Variants in ZNF469 observed in about 807,000 individuals in gnomAD.
ZNF469 encodes zinc finger protein 469.
A neutral mutation model predicts 1.0 loss-of-function variants in ZNF469; 1 was observed. The observed-to-expected ratio is 1.00, with a 90% confidence interval of 0.35 to 4.73. The LOEUF (loss-of-function observed/expected upper bound fraction) is 4.73, where lower values mean the gene tolerates loss of function less well. ZNF469 is among the 30% of genes most tolerant of loss of function. ZNF469 has a pLI of 0.16. For synonymous variants in ZNF469, 2,703 were observed against 2,363.4 expected (o/e 1.14, Z -4.17); for missense variants, 6,100 against 5,356.3 (o/e 1.14, Z -4.33).
the ZNF469 span, among the ~76,000 whole-genome samples, chr16:88,356,272 A>G: frequency 6.6e-6 from 1 of 152,166 alleles, no homozygotes; most frequent in South Asian, 2.1e-4. Flanking sequence ...TCAGGGTCCA[A>G]GGTCCATGAT....
At chr16:88,280,097 A>G in the ZNF469 span, among the ~76,000 whole-genome samples, 7 of 150,426 alleles carry the variant, frequency 4.7e-5, no homozygotes, top group African/African-American at 1.2e-4. Context: ...CCGTGTACAT[A>G]TCAGTGCATG....
chr16:88,140,175 G>T, the ZNF469 span, among the ~76,000 whole-genome samples: 9 of 152,156 alleles, frequency 5.9e-5, no homozygotes, highest in African/African-American at 2.2e-4. Flanking sequence ...CATTGAAGTG[G>T]CAGAACCGAT....
intron 1 of ZNF469, among the ~76,000 whole-genome samples, chr16:88,405,863 A>G (rs1333502696): frequency 1.3e-5 from 2 of 152,250 alleles, no homozygotes; most frequent in Non-Finnish European, 2.9e-5. Flanking sequence ...GAAGCGGAAA[A>G]GCCTCTGCAG....
At chr16:88,147,868 C>T in the ZNF469 span, among the ~76,000 whole-genome samples, 152 of 152,278 alleles carry the variant, frequency 1.0e-3, 1 homozygote, top group African/African-American at 3.6e-3. Context: ...AGAGAAACCA[C>T]AGCCTATGGA....
the ZNF469 span, among the ~76,000 whole-genome samples, chr16:88,338,789 GCACAGGC>G: frequency 6.6e-6 from 1 of 152,210 alleles, no homozygotes; most frequent in Non-Finnish European, 1.5e-5. Context: ...GGCGATACAG[GCACAGGC>G]CACAGGCCAA....
intron 1 of ZNF469, among the ~76,000 whole-genome samples, chr16:88,402,998 C>T (rs1784286073): frequency 6.6e-6 from 1 of 152,250 alleles, no homozygotes; most frequent in African/African-American, 2.4e-5. Context: ...CAAATGGCAA[C>T]ACCCGCCGTG....
the ZNF469 span, among the ~76,000 whole-genome samples, chr16:88,158,838 G>A: frequency 6.6e-6 from 1 of 152,152 alleles, no homozygotes; most frequent in Non-Finnish European, 1.5e-5. Context: ...GCAGAGCTCT[G>A]CAGGAAGACT....
intron 2 of ZNF469, among the ~76,000 whole-genome samples, chr16:88,425,989 C>T (rs971631445): frequency 6.6e-6 from 1 of 152,244 alleles, no homozygotes; most frequent in Non-Finnish European, 1.5e-5. Flanking sequence ...AAGAGCCAGC[C>T]GGAAGTACAG....
chr16:88,234,866 C>T, the ZNF469 span: 4 of 152,182 alleles, frequency 2.6e-5, no homozygotes, highest in African/African-American at 9.7e-5. Flanking sequence ...GTGCCTGACT[C>T]ACAGGAAGGG....
At chr16:88,322,828 G>A in the ZNF469 span, among the ~76,000 whole-genome samples, 1 of 152,204 alleles carries the variant, frequency 6.6e-6, no homozygotes, top group Non-Finnish European at 1.5e-5. Context: ...CTTGGCCCAG[G>A]ACTTGGGGGC....
chr16:88,413,174 G>A (rs772910942), intron 1 of ZNF469, among the ~76,000 whole-genome samples: 6 of 152,242 alleles, frequency 3.9e-5, no homozygotes, highest in Non-Finnish European at 7.3e-5. Context: ...GTCCCCGCAC[G>A]CACGTGATAA....
At chr16:88,232,551 C>G in the ZNF469 span, among the ~76,000 whole-genome samples, 1 of 152,240 alleles carries the variant, frequency 6.6e-6, no homozygotes, top group African/African-American at 2.4e-5. Context: ...GGAAATCATT[C>G]TTGTCCCAGT....
rs1432766927 is a variant in ZNF469 at position 88,383,137 on chromosome 16, G to A, written c.-309G>A. 1.3e-5 allele frequency among the ~76,000 whole-genome samples: 2 copies of A among 148,570 alleles called. No homozygotes were observed. Among genetic ancestry groups the A allele is most frequent in the Admixed American group, 6.7e-5 (1 of 14,964 alleles). On this transcript the variant is annotated 5_prime_UTR_variant, in exon 1 of 3. Coordinates refer to ENST00000565624, the MANE Select transcript of ZNF469 (RefSeq NM_001367624.2). ...TCGGTGCCCGGCGGGCGGGCGGCCC[G>A]GGCGGGCCTGCGGTCGGGATGAGGA...
At chr16:88,205,701 C>A in the ZNF469 span, among the ~76,000 whole-genome samples, 1 of 152,190 alleles carries the variant, frequency 6.6e-6, no homozygotes, top group Non-Finnish European at 1.5e-5. This position sits in a 1 kb window ranked among gnomAD's most constrained non-coding sequence, Gnocchi z 4.2. Context: ...GCCTCACTGT[C>A]CCTGGTGTAG....
At chr16:88,220,933 C>A in the ZNF469 span, among the ~76,000 whole-genome samples, 1 of 152,190 alleles carries the variant, frequency 6.6e-6, no homozygotes, top group Non-Finnish European at 1.5e-5. Context: ...ATCCACCTGC[C>A]CTGTACAGGG....
At chr16:88,295,572 G>C in the ZNF469 span, among the ~76,000 whole-genome samples, 2 of 152,160 alleles carry the variant, frequency 1.3e-5, no homozygotes, top group African/African-American at 4.8e-5. Context: ...TGGCCATTCT[G>C]GTGTTTGTGG....
At position 88,435,899 on chromosome 16, in the gene ZNF469, CG is replaced by C. The variant is rs1567515498; in HGVS notation, c.8431del (p.Asp2811ThrfsTer59). On this transcript the variant is annotated frameshift_variant, in exon 3 of 3. Coordinates refer to ENST00000565624, the MANE Select transcript of ZNF469 (RefSeq NM_001367624.2). LOFTEE classifies it low-confidence loss of function (END_TRUNC). ...TTTCCCGAGACTTCCAGCTCTCCGGCGGACAGCACCACCAGCAGCTGCCTCC... is the reference window on the plus strand; with the variant it reads ...TTTCCCGAGACTTCCAGCTCTCCGGCGACAGCACCACCAGCAGCTGCCTCC... ...LGFPETSSSP[A>X]DSTTSSCLQG... 6.5e-7 allele frequency: 1 copy of C among 1,550,072 alleles called. No individual in the cohort carries two copies. Among genetic ancestry groups the C allele is most frequent in the East Asian group, 2.4e-5 (1 of 40,918 alleles).
chr16:88,396,795 TTGAGAAGGGAGG>T (rs1904685301), intron 1 of ZNF469, among the ~76,000 whole-genome samples: 4 of 139,026 alleles, frequency 2.9e-5, no homozygotes, highest in African/African-American at 5.5e-5. Context: ...GAGGAGACCC[TTGAGAAGGGAGG>T]CCAGGCAGAG....
At chr16:88,342,308 C>T in the ZNF469 span, among the ~76,000 whole-genome samples, 1 of 152,104 alleles carries the variant, frequency 6.6e-6, no homozygotes, top group Non-Finnish European at 1.5e-5. Flanking sequence ...CTGCCTGCAT[C>T]TCTCATGTTC....
Sources: gnomAD v4.1 joint callset for allele counts (sites outside exome capture counted in the v4.1 genomes callset) on GRCh38, gnomAD v4.1.1 for gene constraint, Gnocchi (gnomAD v3.1) non-coding constraint, MANE v1.5 for transcripts, NCBI Gene and HGNC (gene_info 2026-07-23, HGNC 2026-07-21) for gene names.